The following NT5C2 variants were observed in gnomAD, a reference collection of about 807,000 sequenced individuals.
NT5C2 encodes the protein 5'-nucleotidase, cytosolic II.
In NT5C2, 58 loss-of-function variants were observed where a neutral mutation model predicts 76.1. The ratio of observed to expected loss-of-function variants is 0.76; its 90% confidence interval spans 0.62 to 0.95. The LOEUF is 0.95. NT5C2 is among the 40% of genes least tolerant of loss of function. NT5C2 has a pLI of 0.00. For synonymous variants in NT5C2, 229 were observed against 237.4 expected, an observed-to-expected ratio of 0.96 and a Z score of 0.32; for missense variants, 478 against 690.3, an observed-to-expected ratio of 0.69 and a Z score of 3.45.
chr10:103,122,848 ACC>A (rs2075935083), intron 4 of NT5C2, among the ~76,000 whole-genome samples: 1 of 151,948 alleles, frequency 6.6e-6, no homozygotes, highest in South Asian at 2.1e-4. Context: ...ATTAGATCAT[ACC>A]CCCTTTTGTC....
chr10:103,168,195 T>C (rs1345997370), intron 3 of NT5C2, among the ~76,000 whole-genome samples: 1 of 152,054 alleles, frequency 6.6e-6, no homozygotes. Flanking sequence ...CAATATTTTC[T>C]AAAATAAGGC....
intron 3 of NT5C2, among the ~76,000 whole-genome samples, chr10:103,149,958 A>G (rs1282875224): frequency 6.7e-6 from 1 of 150,066 alleles, no homozygotes; most frequent in Non-Finnish European, 1.5e-5. Context: ...ACATCCTAGG[A>G]GCAACCATAT....
At chr10:103,102,053 G>A (rs2069847567) in intron 6 of NT5C2, among the ~76,000 whole-genome samples, 1 of 152,158 alleles carries the variant, frequency 6.6e-6, no homozygotes, top group Admixed American at 6.5e-5. Flanking sequence ...TCGGGGCTGA[G>A]TTGTAAAACA....
intron 1 of NT5C2, among the ~76,000 whole-genome samples, chr10:103,183,277 A>ATTATATATATATATAT (rs1439401303): frequency 7.1e-5 from 9 of 125,926 alleles, no homozygotes; most frequent in African/African-American, 2.6e-4. Context: ...ATATATATAT[A>ATTATATATATATATAT]TATATATATA....
At chr10:103,125,743 C>A (rs756320400) in intron 4 of NT5C2, among the ~76,000 whole-genome samples, 3 of 152,090 alleles carry the variant, frequency 2.0e-5, no homozygotes, top group Admixed American at 2.0e-4. Context: ...CACTGAACAG[C>A]CTGAAATTTA....
chr10:103,136,915 G>T (rs1011569170), intron 4 of NT5C2, among the ~76,000 whole-genome samples: 1 of 152,102 alleles, frequency 6.6e-6, no homozygotes, highest in African/African-American at 2.4e-5. Context: ...GAGCCACCGC[G>T]CCAGGCCAAT....
chr10:103,183,507 G>GC (rs2135335115), intron 1 of NT5C2, among the ~76,000 whole-genome samples: 1 of 130,514 alleles, frequency 7.7e-6, no homozygotes, highest in African/African-American at 2.9e-5. Context: ...TTAAACAAAT[G>GC]CTTTTTTTTT....
At chr10:103,153,535 G>A in intron 3 of NT5C2, 6 of 985,260 alleles carry the variant, frequency 6.1e-6, no homozygotes, top group Non-Finnish European at 7.2e-6. Flanking sequence ...TTCAAGACTA[G>A]GAAAAATAAC....
intron 4 of NT5C2, among the ~76,000 whole-genome samples, chr10:103,121,819 C>T (rs1393733290): frequency 6.6e-6 from 1 of 152,114 alleles, no homozygotes; most frequent in East Asian, 1.9e-4. Flanking sequence ...AGAGAGGGAC[C>T]TAAAATGTAT....
At chr10:103,110,195 C>T (rs1332770805) in intron 4 of NT5C2, among the ~76,000 whole-genome samples, 7 of 152,152 alleles carry the variant, frequency 4.6e-5, no homozygotes, top group African/African-American at 1.7e-4. Flanking sequence ...AGCACTTACA[C>T]CTGTAATCCC....
At chr10:103,171,046 T>C (rs2087849301) in intron 3 of NT5C2, among the ~76,000 whole-genome samples, 1 of 152,158 alleles carries the variant, frequency 6.6e-6, no homozygotes, top group Non-Finnish European at 1.5e-5. Context: ...TTTTATACTT[T>C]AACACGCCAT....
At chr10:103,143,881 A>G (rs34130454) in intron 3 of NT5C2, among the ~76,000 whole-genome samples, 47,889 of 151,764 alleles carry the variant, frequency 0.32, 7,644 homozygotes, top group Middle Eastern at 0.36. Flanking sequence ...CTTGAGCCCA[A>G]GAGGTCAAGG....
chr10:103,094,690 T>C (rs2067732684), intron 12 of NT5C2, among the ~76,000 whole-genome samples: 1 of 152,166 alleles, frequency 6.6e-6, no homozygotes, highest in African/African-American at 2.4e-5. Context: ...AAGACCATCC[T>C]GGCCAACATG....
intron 6 of NT5C2, among the ~76,000 whole-genome samples, chr10:103,104,012 CCCA>C: frequency 6.6e-6 from 1 of 152,262 alleles, no homozygotes; most frequent in Non-Finnish European, 1.5e-5. Context: ...TACCACCATG[CCCA>C]GCTAATTTTT....
rs1473275691 is a variant in NT5C2 at position 103,088,879 on chromosome 10, T to C, written c.*793A>G. 4.8e-6 allele frequency: 1 copy of C among 206,394 alleles called. No individual in the cohort carries two copies. Among genetic ancestry groups the C allele is most frequent in the Non-Finnish European group, 9.9e-6 (1 of 101,118 alleles). The allele number at this position is 206,394 out of a possible 1,614,324, so 12.8% of individuals were successfully genotyped here. On this transcript the variant is annotated 3_prime_UTR_variant, in exon 19 of 19. Coordinates refer to ENST00000404739, the MANE Select transcript of NT5C2 (RefSeq NM_001351169.2). The stretch of plus-strand genomic sequence containing the variant: ...CTATATAGCCCACACTAATGCATGT[T>C]CTGTAGTATAAGAAGGCAGTTCTTC...
chr10:103,097,511 C>T, intron 10 of NT5C2, 137 bp from the exon 11 acceptor site: 1 of 659,248 alleles, frequency 1.5e-6, no homozygotes, highest in Non-Finnish European at 2.7e-6. Flanking sequence ...GAATTTTGCA[C>T]TTAAAAGCCC....
intron 4 of NT5C2, among the ~76,000 whole-genome samples, chr10:103,128,168 C>T (rs1350962094): frequency 1.3e-5 from 2 of 150,448 alleles, no homozygotes; most frequent in East Asian, 4.0e-4. Context: ...CTCACTGCAA[C>T]CTCCCTGCCT....
rs528231987 is a variant in NT5C2, at chr10:103,105,567, T to G, written c.389+139A>C. 8.1e-6 allele frequency: 5 copies of G among 619,248 alleles called. No homozygotes were observed. In the Admixed American group the frequency reaches 1.5e-4, roughly 19 times the overall value. 38.4% of individuals were successfully genotyped at this position (619,248 alleles called of 1,614,324 possible). ...GTTCCAACTGCCTAATAAATAACTG[T>G]TAACTAACCTTATGTAAGGGAATTT... On this transcript the variant is annotated intron_variant, in intron 6 of 18. Coordinates refer to ENST00000404739, the MANE Select transcript of NT5C2 (RefSeq NM_001351169.2).
chr10:103,094,080 TCACAATCCTCCCCTCACCC>T (rs1392688088), intron 13 of NT5C2, 42 bp from the exon 14 acceptor site: 1 of 1,521,294 alleles, frequency 6.6e-7, no homozygotes, highest in Non-Finnish European at 9.1e-7. Flanking sequence ...TATCATCCTA[TCACAATCCTCCCCTCACCC>T]CACAACCCTC....
Sources: gnomAD v4.1 joint callset for allele counts (sites outside exome capture counted in the v4.1 genomes callset) on GRCh38, gnomAD v4.1.1 for gene constraint, MANE v1.5 for transcripts, NCBI Gene and HGNC (gene_info 2026-07-23, HGNC 2026-07-21) for gene names.